SIPA1L1: variants seen among roughly 807,000 people sequenced by gnomAD.
SIPA1L1 encodes the protein signal-induced proliferation-associated 1-like protein 1.
Under a neutral mutation model 162.7 loss-of-function variants are expected in SIPA1L1, and 26 were observed. The observed-to-expected ratio is 0.16, with a 90% confidence interval of 0.12 to 0.22. SIPA1L1 has a LOEUF of 0.22. Among genes scored for constraint, SIPA1L1 ranks in the 10% least tolerant of loss-of-function variants. The probability of loss-of-function intolerance (pLI) is 1.00; values close to 1 mark genes in which losing one functional copy is unlikely to be tolerated. For synonymous variants in SIPA1L1, 829 were observed against 837.4 expected, an observed-to-expected ratio of 0.99 and a Z score of 0.17; for missense variants, 1,874 against 2,241.0, an observed-to-expected ratio of 0.84 and a Z score of 3.31.
At chr14:71,591,011 T>TAAA (rs2035314654) in intron 5 of SIPA1L1, among the ~76,000 whole-genome samples, 1 of 152,164 alleles carries the variant, frequency 6.6e-6, no homozygotes, top group African/African-American at 2.4e-5. Context: ...CCTGCTTTAC[T>TAAA]GTACCTGTGC....
At chr14:71,656,586 T>C (rs1437368865) in intron 8 of SIPA1L1, among the ~76,000 whole-genome samples, 2 of 152,272 alleles carry the variant, frequency 1.3e-5, no homozygotes, top group Non-Finnish European at 2.9e-5. Flanking sequence ...ACTTAGAAGA[T>C]ATTTTTCTTG....
At chr14:71,471,362 G>A (rs1277067828) in intron 2 of SIPA1L1, among the ~76,000 whole-genome samples, 2 of 152,124 alleles carry the variant, frequency 1.3e-5, no homozygotes, top group Non-Finnish European at 2.9e-5. Context: ...CCAGCTTCTC[G>A]GGAGGCTGAG....
intron 17 of SIPA1L1, among the ~76,000 whole-genome samples, chr14:71,710,972 C>T (rs557773381): frequency 6.6e-6 from 1 of 152,292 alleles, no homozygotes; most frequent in African/African-American, 2.4e-5. Context: ...ATTGCTTTCA[C>T]TTGACCAGCT....
intron 2 of SIPA1L1, among the ~76,000 whole-genome samples, chr14:71,482,423 A>G (rs2048420510): frequency 6.6e-6 from 1 of 152,168 alleles, no homozygotes; most frequent in South Asian, 2.1e-4. Flanking sequence ...TCAACCAAGG[A>G]AAGAATGGGA....
intron 10 of SIPA1L1, among the ~76,000 whole-genome samples, chr14:71,666,797 G>A (rs2044045896): frequency 6.8e-6 from 1 of 147,982 alleles, no homozygotes; most frequent in Non-Finnish European, 1.5e-5. Flanking sequence ...TAAGTAAAAT[G>A]TCTAGCATAG....
At chr14:71,710,667 G>A (rs1243035017) in intron 17 of SIPA1L1, among the ~76,000 whole-genome samples, 2 of 152,042 alleles carry the variant, frequency 1.3e-5, no homozygotes, top group Non-Finnish European at 2.9e-5. Context: ...AATTAGCTGG[G>A]CATGGTGGCA....
At chr14:71,658,094 T>C (rs1002348401) in intron 8 of SIPA1L1, among the ~76,000 whole-genome samples, 11 of 152,178 alleles carry the variant, frequency 7.2e-5, no homozygotes, top group African/African-American at 2.2e-4. Context: ...TGAAATCTTA[T>C]GTTTTTTATT....
At chr14:71,665,075 A>G (rs1048252628) in intron 10 of SIPA1L1, among the ~76,000 whole-genome samples, 7 of 152,220 alleles carry the variant, frequency 4.6e-5, no homozygotes, top group African/African-American at 1.7e-4. Flanking sequence ...ATTCAACACT[A>G]CATAAGTAGA....
chr14:71,619,794 C>T (rs2039227881), intron 6 of SIPA1L1, among the ~76,000 whole-genome samples: 1 of 152,138 alleles, frequency 6.6e-6, no homozygotes, highest in Admixed American at 6.5e-5. Flanking sequence ...CCGGGGTTGG[C>T]ATCATTTAGT....
intron 2 of SIPA1L1, among the ~76,000 whole-genome samples, chr14:71,343,356 T>C (rs1348287202): frequency 6.6e-6 from 1 of 152,220 alleles, no homozygotes; most frequent in African/African-American, 2.4e-5. Flanking sequence ...GTGGATGAGC[T>C]ATGTATTTCG....
intron 2 of SIPA1L1, among the ~76,000 whole-genome samples, chr14:71,506,554 A>C (rs1402612181): frequency 6.6e-6 from 1 of 151,864 alleles, no homozygotes; most frequent in Non-Finnish European, 1.5e-5. Context: ...TTGGCCAGAC[A>C]GGTCTCGAAC....
chr14:71,353,115 A>T (rs1377471936), intron 2 of SIPA1L1, among the ~76,000 whole-genome samples: 6 of 152,246 alleles, frequency 3.9e-5, no homozygotes. Flanking sequence ...AAAATGACTA[A>T]ATACCACATT....
chr14:71,629,139 G>A (rs1403962901), intron 7 of SIPA1L1, among the ~76,000 whole-genome samples: 4 of 152,000 alleles, frequency 2.6e-5, no homozygotes, highest in Admixed American at 6.6e-5. Flanking sequence ...GGGTTCCACC[G>A]TGTTAGCCAG....
intron 2 of SIPA1L1, among the ~76,000 whole-genome samples, chr14:71,490,440 A>G (rs1414588842): frequency 1.3e-5 from 2 of 152,142 alleles, no homozygotes; most frequent in Non-Finnish European, 2.9e-5. Context: ...ACACAAAATT[A>G]TAAATTATTT....
At chr14:71,682,673 T>C (rs2045914778) in intron 12 of SIPA1L1, among the ~76,000 whole-genome samples, 1 of 152,256 alleles carries the variant, frequency 6.6e-6, no homozygotes, top group Admixed American at 6.5e-5. Flanking sequence ...CAGAGAGGCC[T>C]TCTAGCCAGT....
chr14:71,407,899 G>A (rs1463808913), intron 2 of SIPA1L1, among the ~76,000 whole-genome samples: 1 of 152,162 alleles, frequency 6.6e-6, no homozygotes, highest in Non-Finnish European at 1.5e-5. Flanking sequence ...GCGAAGCTAG[G>A]CTTAAAATTA....
At chr14:71,481,229 A>C (rs1448444709) in intron 2 of SIPA1L1, among the ~76,000 whole-genome samples, 1 of 152,222 alleles carries the variant, frequency 6.6e-6, no homozygotes, top group Non-Finnish European at 1.5e-5. Flanking sequence ...CTGTAACCCT[A>C]GCACTTTGAG....
intron 5 of SIPA1L1, among the ~76,000 whole-genome samples, chr14:71,590,163 A>G (rs922155083): frequency 6.0e-5 from 9 of 151,150 alleles, no homozygotes; most frequent in African/African-American, 2.2e-4. Flanking sequence ...TTTAAGAAAG[A>G]CCATTGTGAT....
At chr14:71,639,719 A>G (rs1440693683) in intron 7 of SIPA1L1, among the ~76,000 whole-genome samples, 5 of 152,224 alleles carry the variant, frequency 3.3e-5, no homozygotes, top group African/African-American at 7.2e-5. Flanking sequence ...ATTGCTGGAA[A>G]GATAGACATG....
Sources: allele counts gnomAD v4.1 joint callset (sites outside exome capture counted in the v4.1 genomes callset), GRCh38; gene constraint gnomAD v4.1.1; transcripts MANE v1.5; gene names NCBI Gene and HGNC (gene_info 2026-07-23, HGNC 2026-07-21).